Variants in FAM168A observed in about 807,000 individuals in gnomAD.
FAM168A encodes the protein family with sequence similarity 168 member A.
A neutral mutation model predicts 28.5 loss-of-function variants in FAM168A; 3 were observed. The observed-to-expected ratio is 0.11, with a 90% CI of 0.05 to 0.27. The LOEUF (loss-of-function observed/expected upper bound fraction) is 0.27, where lower values mean the gene tolerates loss of function less well. FAM168A is among the 10% of genes least tolerant of loss of function. The pLI is 1.00. For synonymous variants in FAM168A, 122 were observed against 124.2 expected (o/e 0.98, Z 0.12); for missense variants, 222 against 311.5 (o/e 0.71, Z 2.16).
rs187322152 is a variant in FAM168A, at chr11:73,408,033, G to A, written c.596-390C>T. ...ATTACAGGTGCCCATCACCACACTCGGCTGATTTTTTATTTTTACTAGAGA... is the reference window on the plus strand; with the variant it reads ...ATTACAGGTGCCCATCACCACACTCAGCTGATTTTTTATTTTTACTAGAGA... On this transcript the variant is annotated intron_variant, in intron 6 of 7. Transcript: ENST00000356467. Among the ~76,000 whole-genome samples, 92 of 152,186 alleles carry A rather than the reference G, an allele frequency of 6.0e-4. 1 individual carries two copies. The highest frequency in any genetic ancestry group is 4.3e-3 in the South Asian group (21 of 4,830).
chr11:73,547,537 C>G (rs1943774508), intron 1 of FAM168A, among the ~76,000 whole-genome samples: 1 of 151,988 alleles, frequency 6.6e-6, no homozygotes, highest in Non-Finnish European at 1.5e-5. Flanking sequence ...TGATGCACAC[C>G]TGTAGTCCCA....
At chr11:73,494,574 C>G (rs1463389570) in intron 1 of FAM168A, among the ~76,000 whole-genome samples, 3 of 152,088 alleles carry the variant, frequency 2.0e-5, no homozygotes, top group East Asian at 1.9e-4. Flanking sequence ...TAGGCTGCAG[C>G]CTTGGGCAAA....
intron 1 of FAM168A, among the ~76,000 whole-genome samples, chr11:73,512,224 C>A (rs899812793): frequency 5.3e-5 from 8 of 152,182 alleles, no homozygotes; most frequent in African/African-American, 1.9e-4. Flanking sequence ...AGGCACTAAG[C>A]CCTTTAACTC....
chr11:73,477,213 T>C (rs1159824903), intron 1 of FAM168A, among the ~76,000 whole-genome samples: 1 of 151,814 alleles, frequency 6.6e-6, no homozygotes, highest in Non-Finnish European at 1.5e-5. Context: ...AGGACTTACT[T>C]GGGCAGGGAG....
At position 73,534,891 on chromosome 11, in the gene FAM168A, G is replaced by A. The variant is rs929855281; in HGVS notation, c.-19+63032C>T. ...CAAAGAAATAACAGGCACAGTTGAG[G>A]GCAGGGTTACTATACAGCAAAGAAG... is the stretch of plus-strand genomic sequence containing the variant. On this transcript the variant is annotated intron_variant, in intron 1 of 7. Coordinates refer to ENST00000356467, the MANE Select transcript of FAM168A (RefSeq NM_015159.3). 3.3e-5 allele frequency among the ~76,000 whole-genome samples: 5 copies of A among 152,238 alleles called. No individual in the cohort carries two copies. In the East Asian group the frequency reaches 7.7e-4, roughly 24 times the overall value.
chr11:73,568,802 T>C (rs1453034858), intron 1 of FAM168A, among the ~76,000 whole-genome samples: 4 of 152,026 alleles, frequency 2.6e-5, no homozygotes, highest in African/African-American at 9.7e-5. Context: ...GGCTGAGGCA[T>C]GAGAATTGCT....
intron 1 of FAM168A, among the ~76,000 whole-genome samples, chr11:73,520,115 G>A (rs1226770428): frequency 6.6e-6 from 1 of 151,710 alleles, no homozygotes; most frequent in African/African-American, 2.4e-5. Context: ...GCACAATCTC[G>A]GCTCACTGCA....
At chr11:73,513,219 T>G (rs1223530138) in intron 1 of FAM168A, among the ~76,000 whole-genome samples, 2 of 144,478 alleles carry the variant, frequency 1.4e-5, no homozygotes, top group Admixed American at 6.8e-5. Context: ...TTTTTTTTTT[T>G]TTTTTTTTGA....
At chr11:73,448,903 C>T (rs1321698047) in intron 2 of FAM168A, among the ~76,000 whole-genome samples, 1 of 152,110 alleles carries the variant, frequency 6.6e-6, no homozygotes, top group Non-Finnish European at 1.5e-5. Context: ...AATATACCTC[C>T]TATTTACCTA....
At chr11:73,574,718 ATTTTTT>A (rs10568027) in intron 1 of FAM168A, among the ~76,000 whole-genome samples, 2 of 88,672 alleles carry the variant, frequency 2.3e-5, no homozygotes, top group East Asian at 3.5e-4. Context: ...TACACCTGGC[ATTTTTT>A]TTTTTTTTTT....
intron 1 of FAM168A, among the ~76,000 whole-genome samples, chr11:73,554,935 T>G (rs76656400): frequency 0.024 from 3,616 of 152,200 alleles, 53 homozygotes; most frequent in Middle Eastern, 0.051. Flanking sequence ...CTCAAGATCA[T>G]GGAACCTGTC....
chr11:73,569,242 T>C (rs1944057957), intron 1 of FAM168A, among the ~76,000 whole-genome samples: 1 of 152,190 alleles, frequency 6.6e-6, no homozygotes, highest in South Asian at 2.1e-4. Flanking sequence ...CGCCACTCTT[T>C]AATACTAGAC....
chr11:73,478,157 A>C (rs1867917435), intron 1 of FAM168A, among the ~76,000 whole-genome samples: 1 of 152,242 alleles, frequency 6.6e-6, no homozygotes. Context: ...ACTGAATTAC[A>C]TTAGTTTGCA....
chr11:73,511,178 T>G (rs1265607900), intron 1 of FAM168A, among the ~76,000 whole-genome samples: 1 of 144,598 alleles, frequency 6.9e-6, no homozygotes, highest in Non-Finnish European at 1.5e-5. Flanking sequence ...AATTGTCAGG[T>G]TTTTTTTTTT....
At chr11:73,576,076 A>G (rs12802623) in intron 1 of FAM168A, among the ~76,000 whole-genome samples, 14 of 152,246 alleles carry the variant, frequency 9.2e-5, no homozygotes, top group Non-Finnish European at 1.5e-4. Context: ...TTCAATTTTC[A>G]TCAAATATTT....
intron 1 of FAM168A, among the ~76,000 whole-genome samples, chr11:73,577,145 A>T (rs1944187197): frequency 6.6e-6 from 1 of 152,182 alleles, no homozygotes; most frequent in Admixed American, 6.5e-5. Context: ...CCAATTTTGG[A>T]AATGGAAGGA....
intron 1 of FAM168A, among the ~76,000 whole-genome samples, chr11:73,481,163 C>T (rs967261742): frequency 1.3e-5 from 2 of 152,222 alleles, no homozygotes; most frequent in African/African-American, 4.8e-5. Flanking sequence ...AAGTGATCCT[C>T]CTGCCTCAGC....
At chr11:73,503,075 CT>C (rs998807974) in intron 1 of FAM168A, among the ~76,000 whole-genome samples, 5 of 152,158 alleles carry the variant, frequency 3.3e-5, no homozygotes, top group Non-Finnish European at 5.9e-5. Flanking sequence ...GAAGCATTCC[CT>C]TTAAAAACCA....
intron 6 of FAM168A, among the ~76,000 whole-genome samples, chr11:73,408,167 G>A (rs769971970): frequency 6.6e-6 from 1 of 152,146 alleles, no homozygotes; most frequent in African/African-American, 2.4e-5. Context: ...CACCACGCCC[G>A]GCCTTCCTTT....
Sources: allele counts gnomAD v4.1 joint callset (sites outside exome capture counted in the v4.1 genomes callset), GRCh38; gene constraint gnomAD v4.1.1; transcripts MANE v1.5; gene names NCBI Gene and HGNC (gene_info 2026-07-23, HGNC 2026-07-21).